The following STX18 variants were observed in gnomAD, a reference collection of about 807,000 sequenced individuals.
The protein encoded by STX18 is syntaxin 18, also known as syntaxin-18.
STX18 carries 40 observed loss-of-function variants against 50.1 expected under a neutral mutation model. The ratio of observed to expected loss-of-function variants is 0.80; its 90% CI spans 0.62 to 1.04. The LOEUF is 1.04. Ranked by LOEUF, STX18 falls within the 50% of genes least tolerant of loss-of-function variation. STX18 has a pLI of 0.00. For missense variants in STX18, 410 were observed against 415.8 expected (o/e 0.99, Z 0.12); for synonymous variants, 158 against 151.8 (o/e 1.04, Z -0.30).
intron 1 of STX18, among the ~76,000 whole-genome samples, chr4:4,536,062 C>G (rs1731313215): frequency 6.6e-6 from 1 of 152,200 alleles, no homozygotes; most frequent in African/African-American, 2.4e-5. Flanking sequence ...TGCTTTTCCA[C>G]TAGAATGTAA....
At chr4:4,443,906 T>G (rs1360571940) in intron 5 of STX18, among the ~76,000 whole-genome samples, 2 of 152,188 alleles carry the variant, frequency 1.3e-5, no homozygotes, top group African/African-American at 2.4e-5. Flanking sequence ...CTCAGCAGGT[T>G]TGTGGTGTTC....
rs139931591 is a variant in STX18 at position 4,431,598 on chromosome 4, C to T, written c.702+3172G>A. 7.2e-3 allele frequency among the ~76,000 whole-genome samples: 1,095 copies of T among 152,212 alleles called. 14 individuals are homozygous for T. The highest frequency in any genetic ancestry group is 0.023 in the African/African-American group (975 of 41,512). ...TCAGCTGTAAGATGTCTCCCACATG[C>T]GTTTCTCTAGCCCGAGCCCTGGAGC... On this transcript the variant is annotated intron_variant, in intron 7 of 10. Transcript: ENST00000306200.
intron 1 of STX18, among the ~76,000 whole-genome samples, chr4:4,500,498 T>C (rs1316539306): frequency 1.3e-5 from 2 of 152,306 alleles, no homozygotes; most frequent in African/African-American, 4.8e-5. Flanking sequence ...CTGTAGGTTA[T>C]ACACAAATAC....
At chr4:4,507,980 C>T (rs1729807064) in intron 1 of STX18, among the ~76,000 whole-genome samples, 1 of 152,158 alleles carries the variant, frequency 6.6e-6, no homozygotes, top group East Asian at 1.9e-4. Flanking sequence ...GAACAAATGA[C>T]CTTGGCTATC....
chr4:4,420,200 C>T lies in STX18; in HGVS notation c.913-71G>A, dbSNP rs1355775158. On this transcript the variant is annotated intron_variant, in intron 10 of 10. Coordinates refer to ENST00000306200, the MANE Select transcript of STX18 (RefSeq NM_016930.4). This position sits in a 1 kb window ranked among gnomAD's most constrained non-coding sequence, Gnocchi z 4.3. The stretch of plus-strand genomic sequence containing the variant: ...GGTTTGAGCAGCCCTGAAATGCCCC[C>T]CTCTTCCCACGTGCTCTCCTGATCC... 21 of 1,219,586 alleles carry T rather than the reference C, an allele frequency of 1.7e-5. No individual in the cohort carries two copies. Among genetic ancestry groups the T allele is most frequent in the Non-Finnish European group, 2.3e-5 (20 of 852,570 alleles). 75.5% of individuals were successfully genotyped at this position (1,219,586 alleles called of 1,614,324 possible).
intron 1 of STX18, chr4:4,507,911 A>G: frequency 2.0e-6 from 1 of 508,104 alleles, no homozygotes; most frequent in East Asian, 3.2e-5. Context: ...GAAAGGAAGC[A>G]TTCCGTATTT....
At chr4:4,438,174 C>G (rs930531528) in intron 6 of STX18, among the ~76,000 whole-genome samples, 2 of 152,238 alleles carry the variant, frequency 1.3e-5, no homozygotes, top group African/African-American at 4.8e-5. Flanking sequence ...CGGACCCCGC[C>G]AGCTCCCAGG....
chr4:4,501,005 C>T (rs1729429454), intron 1 of STX18, among the ~76,000 whole-genome samples: 1 of 152,082 alleles, frequency 6.6e-6, no homozygotes, highest in African/African-American at 2.4e-5. Flanking sequence ...CCATTGCACT[C>T]CAGCTGGGGC....
chr4:4,430,685 A>G (rs1020631219), intron 7 of STX18, among the ~76,000 whole-genome samples: 1 of 152,206 alleles, frequency 6.6e-6, no homozygotes, highest in East Asian at 1.9e-4. Flanking sequence ...ACTCTGACAT[A>G]TCAGTTGCTA....
intron 7 of STX18, among the ~76,000 whole-genome samples, chr4:4,427,731 G>A (rs549551709): frequency 1.3e-5 from 2 of 152,326 alleles, no homozygotes; most frequent in East Asian, 3.9e-4. Context: ...TGTGGTATAA[G>A]GCACTTAGGT....
intron 7 of STX18, among the ~76,000 whole-genome samples, chr4:4,434,268 T>G (rs1725665642): frequency 6.6e-6 from 1 of 152,208 alleles, no homozygotes; most frequent in South Asian, 2.1e-4. Context: ...TGGCAGGGGC[T>G]TGGCAGACCT....
intron 5 of STX18, among the ~76,000 whole-genome samples, chr4:4,444,696 CCAT>C (rs1560167144): frequency 3.3e-5 from 5 of 152,166 alleles, no homozygotes; most frequent in African/African-American, 1.2e-4. Context: ...TTTCTGAGTT[CCAT>C]GAGTTCTTCT....
At position 4,541,977 on chromosome 4, in the gene STX18, C is replaced by G. The variant is rs375906833; in HGVS notation, c.-13G>C. 1.9e-6 allele frequency: 3 copies of G among 1,594,552 alleles called. No homozygotes were observed. The Admixed American group carries it at 5.1e-5, about 27-fold the overall frequency. ...TGTCCACCGCCATAGCGACCCGCAC[C>G]CTCAGCCCCACACTAGGCCCGCCCA... On this transcript the variant is annotated 5_prime_UTR_variant, in exon 1 of 11. Coordinates refer to ENST00000306200, the MANE Select transcript of STX18 (RefSeq NM_016930.4).
intron 5 of STX18, among the ~76,000 whole-genome samples, chr4:4,446,666 T>C (rs771299086): frequency 3.6e-4 from 55 of 152,380 alleles, no homozygotes; most frequent in Middle Eastern, 6.8e-3. Context: ...TCCTGCCATG[T>C]GGAGGAACTG....
At chr4:4,460,790 T>A (rs1727336177) in intron 2 of STX18, among the ~76,000 whole-genome samples, 1 of 152,172 alleles carries the variant, frequency 6.6e-6, no homozygotes, top group Admixed American at 6.5e-5. Flanking sequence ...GAGAATGGAC[T>A]CTGTCCGAGG....
At chr4:4,424,918 G>C (rs1327567448) in intron 8 of STX18, among the ~76,000 whole-genome samples, 3 of 152,176 alleles carry the variant, frequency 2.0e-5, no homozygotes, top group Admixed American at 2.0e-4. Flanking sequence ...TGTATCTCTC[G>C]GGGTGGGAAG....
At chr4:4,522,080 C>T (rs1408757909) in intron 1 of STX18, among the ~76,000 whole-genome samples, 1 of 152,090 alleles carries the variant, frequency 6.6e-6, no homozygotes, top group African/African-American at 2.4e-5. Context: ...GCATTAGGCC[C>T]TTTAGACATG....
chr4:4,445,612 A>G (rs893180126), intron 5 of STX18, among the ~76,000 whole-genome samples: 1 of 152,144 alleles, frequency 6.6e-6, no homozygotes, highest in Non-Finnish European at 1.5e-5. Context: ...ATCCAGGAAT[A>G]AATCTAACAA....
At chr4:4,436,950 CTTTTTTTTTTTTT>C (rs34174730) in intron 6 of STX18, among the ~76,000 whole-genome samples, 1 of 116,764 alleles carries the variant, frequency 8.6e-6, no homozygotes. Flanking sequence ...TCCAGACTCA[CTTTTTTTTTTTTT>C]TTTTTTTTTT....
Sources: gnomAD v4.1 joint callset for allele counts (sites outside exome capture counted in the v4.1 genomes callset) on GRCh38, gnomAD v4.1.1 for gene constraint, Gnocchi (gnomAD v3.1) non-coding constraint, MANE v1.5 for transcripts, NCBI Gene and HGNC (gene_info 2026-07-23, HGNC 2026-07-21) for gene names.